Variants in SLC37A3 observed in about 807,000 individuals in gnomAD.
SLC37A3 encodes sugar phosphate exchanger 3.
A neutral mutation model predicts 67.1 loss-of-function variants in SLC37A3; 51 were observed. That is an observed-to-expected ratio of 0.76 (90% CI 0.61 to 0.96). SLC37A3 has a LOEUF of 0.96. SLC37A3 is among the 40% of genes least tolerant of loss of function. SLC37A3 has a pLI of 0.00. For synonymous variants in SLC37A3, 214 were observed against 231.4 expected (o/e 0.92, Z 0.68); for missense variants, 508 against 603.0 (o/e 0.84, Z 1.65).
At chr7:140,349,031 T>C (rs2117064993) in intron 9 of SLC37A3, among the ~76,000 whole-genome samples, 1 of 152,322 alleles carries the variant, frequency 6.6e-6, no homozygotes, top group African/African-American at 2.4e-5. Context: ...CTGTGTCCAG[T>C]TTCTCCTCCT....
chr7:140,374,929 T>C (rs1422469567), intron 3 of SLC37A3, among the ~76,000 whole-genome samples: 1 of 151,986 alleles, frequency 6.6e-6, no homozygotes, highest in African/African-American at 2.4e-5. Context: ...GGGGGTATCA[T>C]GAGGCCAGGA....
chr7:140,359,687 G>GA lies in SLC37A3; in HGVS notation c.376-903dup, dbSNP rs776196308. 1.7e-3 allele frequency among the ~76,000 whole-genome samples: 252 copies of GA among 152,260 alleles called. 1 individual carries two copies. The highest frequency in any genetic ancestry group is 3.4e-3 in the Middle Eastern group (1 of 294). On this transcript the variant is annotated intron_variant, in intron 5 of 14. Transcript: ENST00000326232. ...TATCTACAGTCAAACTCTATTCTGAGAATACTCTGCATGATTAAAAAATAG... is the reference window on the plus strand; with the variant it reads ...TATCTACAGTCAAACTCTATTCTGAGAAATACTCTGCATGATTAAAAAATAG...
At chr7:140,358,364 T>C (rs10258709) in intron 6 of SLC37A3, among the ~76,000 whole-genome samples, 63,383 of 151,856 alleles carry the variant, frequency 0.42, 13,512 homozygotes, top group Non-Finnish European at 0.46. Flanking sequence ...ATGAGTAAAA[T>C]AAAAAATTGA....
intron 7 of SLC37A3, among the ~76,000 whole-genome samples, chr7:140,353,989 C>T (rs893724472): frequency 1.8e-4 from 28 of 152,222 alleles, no homozygotes; most frequent in Admixed American, 1.4e-3. Context: ...GGATTACAGG[C>T]GTGAGCCACC....
chr7:140,335,978 C>G (rs1796116127), intron 14 of SLC37A3, among the ~76,000 whole-genome samples: 1 of 152,208 alleles, frequency 6.6e-6, no homozygotes, highest in Non-Finnish European at 1.5e-5. Flanking sequence ...GCTGGACTAT[C>G]CTGGGGCTCC....
intron 4 of SLC37A3, among the ~76,000 whole-genome samples, chr7:140,365,256 A>C (rs1277332234): frequency 6.6e-6 from 1 of 152,166 alleles, no homozygotes; most frequent in Non-Finnish European, 1.5e-5. Flanking sequence ...TCTTGACTGA[A>C]AACCTAAATT....
chr7:140,384,808 A>G (rs1408699045), intron 1 of SLC37A3, among the ~76,000 whole-genome samples: 3 of 152,206 alleles, frequency 2.0e-5, no homozygotes, highest in Non-Finnish European at 2.9e-5. Context: ...AATCTACAAC[A>G]GTAGTCAAGG....
chr7:140,390,710 T>C (rs1585380939), intron 1 of SLC37A3, among the ~76,000 whole-genome samples: 1 of 151,992 alleles, frequency 6.6e-6, no homozygotes, highest in Non-Finnish European at 1.5e-5. Context: ...ACCACCCTTC[T>C]CCTCCATCCC....
In SLC37A3 at chr7:140,352,087, T is replaced by C. The variant is rs1165338335; in HGVS notation, c.678A>G (p.Gly226=). 7 of 1,612,122 alleles carry C rather than the reference T, an allele frequency of 4.3e-6. No individual in the cohort carries two copies. The highest frequency in any genetic ancestry group is 5.9e-6 in the Non-Finnish European group (7 of 1,179,504). ...CAATTTCTTCTGGTGACACCAGGAG[T>C]CCAAAGAAGATAACGATCCCACCAG... ...QFAGGIVIFF[G]LLVSPEEIGL... The change falls in exon 8 of 15, where the codon GGA becomes GGG. Residue 226 remains glycine (G), a synonymous_variant. Transcript: ENST00000326232.
In SLC37A3 at chr7:140,345,851, T is replaced by C; in HGVS notation, c.1126+18A>G. 1 of 1,584,044 alleles carries C rather than the reference T, an allele frequency of 6.3e-7. No individual in the cohort carries two copies. Among genetic ancestry groups the C allele is most frequent in the South Asian group, 1.1e-5 (1 of 90,442 alleles). Reference sequence around the variant, plus strand: ...ATTAGGGGAGCAAAGGAATTAGTAATTGCAAAAGAATACTCACGACTATAC... The same window carrying C: ...ATTAGGGGAGCAAAGGAATTAGTAACTGCAAAAGAATACTCACGACTATAC... On this transcript the variant is annotated intron_variant, in intron 11 of 14. Transcript: ENST00000326232.
In SLC37A3 at chr7:140,349,436, G is replaced by A. The variant is rs1360442122; in HGVS notation, c.883-669C>T. Among the ~76,000 whole-genome samples the A allele has an allele frequency of 2.0e-5, 3 of 151,780 alleles. No individual in the cohort carries two copies. In the East Asian group the frequency reaches 5.8e-4, roughly 29 times the overall value. On this transcript the variant is annotated intron_variant, in intron 9 of 14. Transcript: ENST00000326232. ...TCGGCCTCGTGGCTCTCCCTTGAGG[G>A]GAAAAAAATGCTGCAGCTGCATGAA...
intron 13 of SLC37A3, among the ~76,000 whole-genome samples, chr7:140,340,662 C>T (rs113313023): frequency 0.049 from 7,441 of 150,520 alleles, 207 homozygotes; most frequent in Non-Finnish European, 0.071. Context: ...AGGCAAGTGG[C>T]TCATGCCTGT....
intron 5 of SLC37A3, among the ~76,000 whole-genome samples, 193 bp from the exon 6 acceptor site, chr7:140,358,978 T>A (rs1277677756): frequency 1.3e-5 from 2 of 152,096 alleles, no homozygotes; most frequent in Admixed American, 1.3e-4. Flanking sequence ...ACCCAATCAC[T>A]GCCCACCAGA....
chr7:140,335,027 A>G lies in SLC37A3; in HGVS notation c.*385T>C, dbSNP rs1431436789. 1 of 542,078 alleles carries G rather than the reference A, an allele frequency of 1.8e-6. No individual in the cohort carries two copies. Among genetic ancestry groups the G allele is most frequent in the Non-Finnish European group, 3.3e-6 (1 of 304,664 alleles). 33.6% of individuals were successfully genotyped at this position (542,078 alleles called of 1,614,324 possible). A position where few individuals can be genotyped will look rare whatever the true frequency, so the allele number is the denominator to read the frequency against. ...GTGGAACATACCACCAACACAAACC[A>G]CGCGTGGCTTTGCCTCCTGTTCACT... On this transcript the variant is annotated 3_prime_UTR_variant, in exon 15 of 15. Coordinates refer to ENST00000326232, the MANE Select transcript of SLC37A3 (RefSeq NM_207113.3).
chr7:140,366,225 A>C (rs1181154233), intron 4 of SLC37A3, among the ~76,000 whole-genome samples: 1 of 151,932 alleles, frequency 6.6e-6, no homozygotes, highest in Non-Finnish European at 1.5e-5. Context: ...AGTTTTAGAG[A>C]TAAGTCAATT....
In SLC37A3 at chr7:140,337,285, A is replaced by C; in HGVS notation, c.1391T>G (p.Met464Arg). The C allele has an allele frequency of 6.3e-7, 1 of 1,598,834 alleles. No homozygotes were observed. The highest frequency in any genetic ancestry group is 8.5e-7 in the Non-Finnish European group (1 of 1,173,876). The change falls in exon 14 of 15, where the codon ATG becomes AGG. Residue 464 changes from methionine to arginine, a missense_variant and splice_region_variant. Transcript: ENST00000326232. ...TTTTTTAAAGGGGCACACACTTACC[A>C]TGAGAATGAAAAAGTAGAAAACCCA... Reference protein sequence around the residue: ...WMWVFYFFILMTSCTIVFISP... With the variant: ...WMWVFYFFILRTSCTIVFISP...
At chr7:140,337,038 G>A (rs1452704830) in intron 14 of SLC37A3, among the ~76,000 whole-genome samples, 1 of 146,154 alleles carries the variant, frequency 6.8e-6, no homozygotes, top group East Asian at 2.0e-4. Context: ...GGCAGAGGCT[G>A]CAGTGAGCCA....
intron 5 of SLC37A3, among the ~76,000 whole-genome samples, chr7:140,362,723 AGGT>A (rs1184809325): frequency 5.2e-5 from 3 of 57,672 alleles, no homozygotes; most frequent in Non-Finnish European, 1.0e-4. Context: ...TCCGGGAGGG[AGGT>A]GGGGGGTCAG....
chr7:140,382,366 A>C, intron 2 of SLC37A3, 72 bp downstream of exon 2: 1 of 1,270,190 alleles, frequency 7.9e-7, no homozygotes, highest in Non-Finnish European at 1.1e-6. Flanking sequence ...TGCATTTGAC[A>C]CTTGCCATGC....
Sources: allele counts gnomAD v4.1 joint callset (sites outside exome capture counted in the v4.1 genomes callset), GRCh38; gene constraint gnomAD v4.1.1; transcripts MANE v1.5; gene names NCBI Gene and HGNC (gene_info 2026-07-23, HGNC 2026-07-21).